Variants in PDE4D observed in about 807,000 individuals in gnomAD.
PDE4D encodes the protein phosphodiesterase 4D.
In PDE4D, 24 loss-of-function variants were observed where a neutral mutation model predicts 87.4. That is an observed-to-expected ratio of 0.27 (90% CI 0.20 to 0.39). The LOEUF (loss-of-function observed/expected upper bound fraction) is 0.39, where lower values mean the gene tolerates loss of function less well. Among genes scored for constraint, PDE4D ranks in the 10% least tolerant of loss-of-function variants. The pLI, the probability that PDE4D is intolerant of heterozygous loss-of-function variation, is 1.00. For missense variants in PDE4D, 714 were observed against 1,041.0 expected, an observed-to-expected ratio of 0.69 and a Z score of 4.32; for synonymous variants, 384 against 383.2, an observed-to-expected ratio of 1.00 and a Z score of -0.02.
At chr5:59,642,582 T>A (rs1741780110) in intron 1 of PDE4D, among the ~76,000 whole-genome samples, 1 of 152,166 alleles carries the variant, frequency 6.6e-6, no homozygotes, top group Admixed American at 6.5e-5. Context: ...TCTTCCTCAT[T>A]TTTTCTTGCC....
intron 1 of PDE4D, among the ~76,000 whole-genome samples, chr5:59,694,333 C>G (rs1041370458): frequency 7.9e-5 from 12 of 152,086 alleles, no homozygotes; most frequent in Non-Finnish European, 1.8e-4. Flanking sequence ...ATGGTTAGGT[C>G]AGCTTGAAGT....
At chr5:58,985,534 C>T (rs1031327132) in intron 11 of PDE4D, among the ~76,000 whole-genome samples, 4 of 152,200 alleles carry the variant, frequency 2.6e-5, no homozygotes, top group African/African-American at 9.6e-5. Flanking sequence ...CAGCGCCCCC[C>T]ATGTGCCTTA....
chr5:60,471,480 C>T (rs988568362), intron 1 of PDE4D, among the ~76,000 whole-genome samples: 2 of 152,120 alleles, frequency 1.3e-5, no homozygotes, highest in Non-Finnish European at 2.9e-5. Flanking sequence ...GAATAAAATG[C>T]TATCAAACAG....
intron 1 of PDE4D, among the ~76,000 whole-genome samples, chr5:59,430,052 A>G (rs1795889283): frequency 1.3e-5 from 2 of 152,288 alleles, no homozygotes; most frequent in South Asian, 4.1e-4. Context: ...CAATACAAGC[A>G]CTGACAATCT....
At chr5:60,468,493 CAACA>C (rs1278197170) in intron 1 of PDE4D, among the ~76,000 whole-genome samples, 1 of 151,970 alleles carries the variant, frequency 6.6e-6, no homozygotes, top group Non-Finnish European at 1.5e-5. Context: ...CTAACTTTCT[CAACA>C]AACAGCTTCA....
intron 1 of PDE4D, among the ~76,000 whole-genome samples, chr5:60,296,098 C>T (rs1215181626): frequency 6.6e-6 from 1 of 152,136 alleles, no homozygotes; most frequent in African/African-American, 2.4e-5. Flanking sequence ...CACCTAAACA[C>T]CCCCTAGAGG....
intron 1 of PDE4D, among the ~76,000 whole-genome samples, chr5:59,477,741 A>T (rs1180367294): frequency 6.6e-6 from 1 of 152,076 alleles, no homozygotes; most frequent in Non-Finnish European, 1.5e-5. Context: ...AAAAAGACAC[A>T]TGCACTCATA....
At chr5:60,015,782 G>C (rs559319086) in intron 2 of PDE4D, among the ~76,000 whole-genome samples, 1 of 152,190 alleles carries the variant, frequency 6.6e-6, no homozygotes, top group African/African-American at 2.4e-5. Context: ...TCTGCCAGTT[G>C]ATAGCCTTCG....
chr5:59,165,102 A>C (rs889377463), intron 5 of PDE4D: 1 of 152,182 alleles, frequency 6.6e-6, no homozygotes, highest in African/African-American at 2.4e-5. Context: ...TAAATTAATA[A>C]AATAAATAGT....
At chr5:60,195,573 T>C (rs2149530995) in intron 1 of PDE4D, among the ~76,000 whole-genome samples, 1 of 151,808 alleles carries the variant, frequency 6.6e-6, no homozygotes, top group Non-Finnish European at 1.5e-5. Flanking sequence ...ATTTTACTAA[T>C]TCATTCACCA....
intron 1 of PDE4D, among the ~76,000 whole-genome samples, chr5:59,718,524 T>C (rs1755350722): frequency 6.6e-6 from 1 of 152,192 alleles, no homozygotes; most frequent in Admixed American, 6.5e-5. Flanking sequence ...TGAAGAATGC[T>C]TGGCCATATC....
intron 1 of PDE4D, among the ~76,000 whole-genome samples, chr5:59,771,512 AAG>A (rs1561638176): frequency 2.8e-5 from 4 of 143,446 alleles, no homozygotes; most frequent in Non-Finnish European, 6.0e-5. Context: ...GAAAGAAAGA[AAG>A]AAAGAAAGAA....
At chr5:60,280,105 T>C (rs1751750758) in intron 1 of PDE4D, among the ~76,000 whole-genome samples, 1 of 152,098 alleles carries the variant, frequency 6.6e-6, no homozygotes, top group Admixed American at 6.6e-5. Flanking sequence ...GGAGAGATAC[T>C]CTATTTCTAT....
chr5:59,069,932 A>G (rs1443165055), intron 5 of PDE4D, among the ~76,000 whole-genome samples: 2 of 152,188 alleles, frequency 1.3e-5, no homozygotes, highest in East Asian at 3.9e-4. Context: ...CCACTCAGAG[A>G]CAACTACTGT....
At chr5:59,493,677 A>G (rs1038498046) in intron 1 of PDE4D, among the ~76,000 whole-genome samples, 1 of 152,256 alleles carries the variant, frequency 6.6e-6, no homozygotes. Flanking sequence ...TGATTTAAAT[A>G]CATAATTACA....
intron 1 of PDE4D, among the ~76,000 whole-genome samples, chr5:60,240,558 G>A (rs1267160464): frequency 6.6e-6 from 1 of 152,100 alleles, no homozygotes; most frequent in East Asian, 1.9e-4. Flanking sequence ...CCAGATAGTG[G>A]TTACAGCAGG....
At chr5:59,208,206 A>C (rs746335875) in intron 2 of PDE4D, among the ~76,000 whole-genome samples, 4 of 152,168 alleles carry the variant, frequency 2.6e-5, no homozygotes. Context: ...AATACTGAGG[A>C]ACATAGTGAG....
At chr5:60,308,644 A>T (rs1193505301) in intron 1 of PDE4D, among the ~76,000 whole-genome samples, 2 of 152,204 alleles carry the variant, frequency 1.3e-5, no homozygotes, top group Admixed American at 6.5e-5. Flanking sequence ...GCACTTTAGG[A>T]TGCTCTCCAA....
intron 5 of PDE4D, among the ~76,000 whole-genome samples, chr5:59,072,747 C>T (rs1404416073): frequency 6.6e-6 from 1 of 152,158 alleles, no homozygotes; most frequent in Non-Finnish European, 1.5e-5. Context: ...ACTATTCTAA[C>T]TTGGCATTTA....
Sources: allele counts gnomAD v4.1 joint callset (sites outside exome capture counted in the v4.1 genomes callset), GRCh38; gene constraint gnomAD v4.1.1; transcripts MANE v1.5; gene names NCBI Gene and HGNC (gene_info 2026-07-23, HGNC 2026-07-21).